The following IBTK variants were observed in gnomAD, a reference collection of about 807,000 sequenced individuals.
The protein encoded by IBTK is BTK-binding protein.
Under a neutral mutation model 154.9 loss-of-function variants are expected in IBTK, and 83 were observed. That is an observed-to-expected ratio of 0.54 (90% CI 0.45 to 0.64). The LOEUF is 0.64. Among genes scored for constraint, IBTK ranks in the 30% least tolerant of loss-of-function variants. The probability of loss-of-function intolerance (pLI) is 0.00; values close to 1 mark genes in which losing one functional copy is unlikely to be tolerated. For synonymous variants in IBTK, 515 were observed against 536.1 expected (o/e 0.96, Z 0.54); for missense variants, 1,332 against 1,584.6 (o/e 0.84, Z 2.71).
intron 25 of IBTK, among the ~76,000 whole-genome samples, chr6:82,188,635 T>G (rs775016867): frequency 2.5e-4 from 38 of 152,100 alleles, no homozygotes; most frequent in African/African-American, 8.7e-4. Flanking sequence ...GAAAAAGGTA[T>G]CATCAACAAA....
chr6:82,229,033 G>T (rs762259040), intron 4 of IBTK, among the ~76,000 whole-genome samples: 2 of 152,000 alleles, frequency 1.3e-5, no homozygotes, highest in Admixed American at 6.6e-5. Context: ...AATTAATTTG[G>T]TACTGTATAA....
At chr6:82,200,063 AG>A in intron 21 of IBTK, 77 bp downstream of exon 21, 1 of 898,612 alleles carries the variant, frequency 1.1e-6, no homozygotes, top group Middle Eastern at 2.2e-4. Context: ...TGTTTATTTC[AG>A]TAGCCCCAGC....
intron 23 of IBTK, among the ~76,000 whole-genome samples, chr6:82,192,703 T>C (rs1768813899): frequency 1.4e-5 from 2 of 143,876 alleles, no homozygotes; most frequent in South Asian, 4.4e-4. Context: ...GCTGAGATCA[T>C]ACCACTGCAC....
chr6:82,205,210 T>C (rs1769355778), intron 16 of IBTK: 1 of 264,416 alleles, frequency 3.8e-6, no homozygotes, highest in African/African-American at 2.2e-5. Context: ...CAAAATGTCT[T>C]GATCTCACAC....
chr6:82,245,002 G>A (rs1229124708), intron 1 of IBTK, among the ~76,000 whole-genome samples: 1 of 152,122 alleles, frequency 6.6e-6, no homozygotes, highest in African/African-American at 2.4e-5. Flanking sequence ...ACAGGTTCAT[G>A]GATAATACTC....
intron 1 of IBTK, among the ~76,000 whole-genome samples, chr6:82,244,808 A>T (rs545547117): frequency 6.6e-6 from 1 of 152,294 alleles, no homozygotes; most frequent in East Asian, 1.9e-4. Flanking sequence ...CCAGTCAAGT[A>T]AACCACCTAA....
intron 18 of IBTK, 151 bp from the exon 19 acceptor site, chr6:82,201,633 G>C (rs1769215083): frequency 2.0e-6 from 1 of 493,290 alleles, no homozygotes; most frequent in Non-Finnish European, 3.6e-6. Flanking sequence ...ATTCCTTTTG[G>C]AAATAGATGT....
In IBTK at chr6:82,202,554, C is replaced by T; in HGVS notation, c.2703G>A (p.Leu901=). 1.2e-6 allele frequency: 2 copies of T among 1,607,554 alleles called. No homozygotes were observed. Among genetic ancestry groups the T allele is most frequent in the Non-Finnish European group, 1.7e-6 (2 of 1,176,366 alleles). Residue 901 remains leucine, a synonymous_variant, in exon 18 of 29, where the codon TTG becomes TTA. Coordinates refer to ENST00000306270, the MANE Select transcript of IBTK (RefSeq NM_015525.4). The part of the protein sequence containing the change: ...LKLSCLQFIG[L]NMAALLEARS... The stretch of plus-strand genomic sequence containing the variant: ...TTGCTTCAAGTAAAGCTGCCATATT[C>T]AATCCTATAAACTGTAAACAAGACA...
intron 12 of IBTK, among the ~76,000 whole-genome samples, chr6:82,213,058 C>T (rs1029009020): frequency 2.6e-5 from 4 of 151,528 alleles, no homozygotes; most frequent in East Asian, 3.9e-4. Flanking sequence ...GACGAAGCCT[C>T]GCTCTGTTGC....
intron 27 of IBTK, chr6:82,173,000 CT>C (rs59205005): frequency 0.17 from 24,759 of 148,970 alleles, 1,929 homozygotes; most frequent in Non-Finnish European, 0.18. Context: ...CTCTTATTCT[CT>C]TTTTTTTTTT....
In IBTK at chr6:82,240,569, T is replaced by A; in HGVS notation, c.-83A>T. 1 of 1,127,698 alleles carries A rather than the reference T, an allele frequency of 8.9e-7. No homozygotes were observed. The highest frequency in any genetic ancestry group is 1.3e-6 in the Non-Finnish European group (1 of 786,770). The allele number at this position is 1,127,698 out of a possible 1,614,324, so 69.9% of individuals were successfully genotyped here. On this transcript the variant is annotated 5_prime_UTR_variant, in exon 2 of 29. Coordinates refer to ENST00000306270, the MANE Select transcript of IBTK (RefSeq NM_015525.4). The stretch of plus-strand genomic sequence containing the variant: ...AAAAGCCAGGACACAAAGGTGCTAT[T>A]GAGGAAGTTACAGAGAATAAATTAC...
At chr6:82,222,830 G>A (rs1167013613) in intron 8 of IBTK, among the ~76,000 whole-genome samples, 3 of 151,552 alleles carry the variant, frequency 2.0e-5, no homozygotes, top group Non-Finnish European at 2.9e-5. Context: ...TTGGGAGGCT[G>A]AGACAGGAGG....
chr6:82,176,638 C>G (rs533761906), intron 26 of IBTK, among the ~76,000 whole-genome samples: 1 of 151,908 alleles, frequency 6.6e-6, no homozygotes, highest in African/African-American at 2.4e-5. Context: ...AAAAGAATAC[C>G]TAAGTAACAA....
chr6:82,225,384 A>G (rs1273568560), intron 6 of IBTK, 93 bp downstream of exon 6: 1 of 846,248 alleles, frequency 1.2e-6, no homozygotes, highest in African/African-American at 1.8e-5. Context: ...AACAGAAATA[A>G]AATAAGTTGC....
rs1193169625 is a variant in IBTK, at chr6:82,204,955, G to T, written c.2513C>A (p.Ser838Tyr). The T allele has an allele frequency of 6.4e-7, 1 of 1,572,598 alleles. No homozygotes were observed. Among genetic ancestry groups the T allele is most frequent in the Non-Finnish European group, 8.7e-7 (1 of 1,155,334 alleles). ...YTDEAVVIKE[S>Y]QNVDFICSVL... is the part of the protein sequence containing the mutation. ...ACTACAAATAAAATCTACATTTTGA[G>T]ATTCTAAAAAAAGAAAGAAAACAAG... is the stretch of plus-strand genomic sequence containing the variant. The change falls in exon 17 of 29, where the codon TCT becomes TAT. Residue 838 changes from serine to tyrosine, a missense_variant. This residue lies in a region of IBTK where 1,134 missense variants were observed against 1,274.7 expected (regional missense o/e 0.89). Coordinates refer to ENST00000306270, the MANE Select transcript of IBTK (RefSeq NM_015525.4).
In IBTK at chr6:82,247,739, G is replaced by C. The variant is rs182935929; in HGVS notation, c.-535C>G. ...AGCCGCTACTACAGGAATCGGGAAC[G>C]GGGATGTAGAGGAAGGGCCCGAGCG... On this transcript the variant is annotated 5_prime_UTR_variant, in exon 1 of 29. Transcript: ENST00000306270. 2.5e-5 allele frequency: 10 copies of C among 397,812 alleles called. No individual in the cohort carries two copies. The highest frequency in any genetic ancestry group is 1.3e-4 in the South Asian group (1 of 7,470). The allele number at this position is 397,812 out of a possible 1,614,324, so 24.6% of individuals were successfully genotyped here. A position where few individuals can be genotyped will look rare whatever the true frequency, so the allele number is the denominator to read the frequency against.
intron 12 of IBTK, among the ~76,000 whole-genome samples, chr6:82,213,104 T>C (rs6923963): frequency 0.24 from 36,181 of 151,930 alleles, 4,367 homozygotes; most frequent in African/African-American, 0.28. Flanking sequence ...CTTAGTTCAC[T>C]GCAACCTCCA....
intron 27 of IBTK, chr6:82,172,882 G>A (rs535090806): frequency 9.5e-6 from 2 of 209,818 alleles, no homozygotes; most frequent in South Asian, 1.1e-4. Flanking sequence ...AATGGGGAGG[G>A]AGCAGAAACA....
chr6:82,202,521 C>T lies in IBTK; in HGVS notation c.2729+7G>A, dbSNP rs2127808676. The T allele has an allele frequency of 6.9e-7, 1 of 1,455,058 alleles. No individual in the cohort carries two copies. Among genetic ancestry groups the T allele is most frequent in the South Asian group, 1.2e-5 (1 of 86,592 alleles). The allele number at this position is 1,455,058 out of a possible 1,614,324, so 90.1% of individuals were successfully genotyped here. A position where few individuals can be genotyped will look rare whatever the true frequency, so the allele number is the denominator to read the frequency against. On this transcript the variant is annotated splice_region_variant and intron_variant, in intron 18 of 28. Transcript: ENST00000306270. Reference sequence around the variant, plus strand: ...CAACAATCTTACAACATATGCACCTCACCTACCTTGCTTCAAGTAAAGCTG... The same window carrying T: ...CAACAATCTTACAACATATGCACCTTACCTACCTTGCTTCAAGTAAAGCTG...
Sources: gnomAD v4.1 joint callset for allele counts (sites outside exome capture counted in the v4.1 genomes callset) on GRCh38, gnomAD v4.1.1 for gene constraint, gnomAD v4.1.1 regional missense constraint, MANE v1.5 for transcripts, NCBI Gene and HGNC (gene_info 2026-07-23, HGNC 2026-07-21) for gene names.